RBFOX1: variants seen among roughly 807,000 people sequenced by gnomAD.
RBFOX1 encodes RNA binding protein fox-1 homolog 1.
Under a neutral mutation model 57.7 loss-of-function variants are expected in RBFOX1, and 8 were observed. The observed-to-expected ratio is 0.14, with a 90% confidence interval of 0.08 to 0.25. The LOEUF is 0.25. Among genes scored for constraint, RBFOX1 ranks in the 10% least tolerant of loss-of-function variants. The pLI is 1.00. For missense variants in RBFOX1, 611 were observed against 548.5 expected (o/e 1.11, Z -1.14); for synonymous variants, 326 against 222.4 (o/e 1.47, Z -4.15).
intron 3 of RBFOX1, among the ~76,000 whole-genome samples, chr16:6,989,805 G>A (rs1030318292): frequency 6.6e-6 from 1 of 152,058 alleles, no homozygotes; most frequent in Non-Finnish European, 1.5e-5. Context: ...TTCGAAACTA[G>A]CCTGGCTAAC....
Position 6,407,596 on chromosome 16 carries a change from G to C in RBFOX1, c.-64+90539G>C, listed in dbSNP as rs2534739. Among the ~76,000 whole-genome samples the C allele has an allele frequency of 8.8e-3, 1,286 of 145,740 alleles. 24 individuals carry two copies. The highest frequency in any genetic ancestry group is 0.019 in the African/African-American group (705 of 38,048). On this transcript the variant is annotated intron_variant, in intron 2 of 15. Transcript: ENST00000550418. ...GAGAGAGAGAGAGAGAGAGAGAGAA[G>C]TACATTCTATCCTAGGAAATGGGAA...
At chr16:6,904,585 A>G (rs1173618335) in intron 3 of RBFOX1, among the ~76,000 whole-genome samples, 1 of 126,048 alleles carries the variant, frequency 7.9e-6, no homozygotes, top group East Asian at 2.7e-4. Context: ...TGGGTGACAG[A>G]GTGAGACTCT....
chr16:5,545,819 G>T (rs1026130452), intron 2 of RBFOX1, among the ~76,000 whole-genome samples: 36 of 152,060 alleles, frequency 2.4e-4, no homozygotes, highest in African/African-American at 8.7e-4. Flanking sequence ...ACACTGTAGT[G>T]GAATAAGTCA....
At chr16:6,860,607 G>T (rs2058821701) in intron 3 of RBFOX1, among the ~76,000 whole-genome samples, 1 of 152,114 alleles carries the variant, frequency 6.6e-6, no homozygotes, top group South Asian at 2.1e-4. Context: ...TGGCATCCAA[G>T]CAAAACATTA....
chr16:6,754,034 A>G (rs1211229150), intron 3 of RBFOX1, among the ~76,000 whole-genome samples: 1 of 152,122 alleles, frequency 6.6e-6, no homozygotes. Context: ...TGAGTAGTTT[A>G]TCCAATATAC....
intron 3 of RBFOX1, among the ~76,000 whole-genome samples, chr16:6,747,891 C>T (rs921073326): frequency 9.2e-5 from 14 of 152,136 alleles, no homozygotes; most frequent in African/African-American, 3.4e-4. Context: ...ATGGCTTCAC[C>T]ATTGTAAAAC....
chr16:5,874,338 G>T (rs186833313), intron 4 of RBFOX1, among the ~76,000 whole-genome samples: 13 of 152,298 alleles, frequency 8.5e-5, no homozygotes, highest in Non-Finnish European at 1.8e-4. Context: ...AGAGGCTTGG[G>T]TATATTGTAG....
At chr16:7,317,988 G>C (rs1032069681) in intron 4 of RBFOX1, among the ~76,000 whole-genome samples, 1 of 152,048 alleles carries the variant, frequency 6.6e-6, no homozygotes, top group Non-Finnish European at 1.5e-5. Context: ...TGGTGATAGT[G>C]GTGGTGACTG....
intron 4 of RBFOX1, among the ~76,000 whole-genome samples, chr16:7,230,054 A>G (rs7500075): frequency 0.74 from 59,472 of 80,782 alleles, 21,744 homozygotes; most frequent in African/African-American, 0.91. Context: ...GAGGAAGGAA[A>G]GGAGAGAGAG....
chr16:5,592,540 C>T (rs2047043947), intron 2 of RBFOX1, among the ~76,000 whole-genome samples: 1 of 152,058 alleles, frequency 6.6e-6, no homozygotes, highest in Non-Finnish European at 1.5e-5. Flanking sequence ...CCTCAGCCTC[C>T]CCGGTAGCTG....
At chr16:7,268,547 A>C (rs11077167) in intron 4 of RBFOX1, among the ~76,000 whole-genome samples, 99,058 of 152,108 alleles carry the variant, frequency 0.65, 34,803 homozygotes, top group African/African-American at 0.92. Context: ...TTGCCAATTG[A>C]CTTGCTCTTT....
chr16:7,309,702 C>A (rs546397327), intron 4 of RBFOX1, among the ~76,000 whole-genome samples: 1 of 152,040 alleles, frequency 6.6e-6, no homozygotes. Flanking sequence ...TCATATTGGC[C>A]GGGTGAAAAC....
chr16:6,330,633 C>T (rs561744975), intron 2 of RBFOX1, among the ~76,000 whole-genome samples: 56 of 152,256 alleles, frequency 3.7e-4, no homozygotes, highest in Non-Finnish European at 6.3e-4. Context: ...GTGCTAGCCG[C>T]GAGAGACACA....
At chr16:7,092,060 C>A (rs2060951731) in intron 4 of RBFOX1, among the ~76,000 whole-genome samples, 1 of 152,148 alleles carries the variant, frequency 6.6e-6, no homozygotes. Context: ...TCTTCTAGCA[C>A]CTAAGATATA....
At chr16:7,037,695 G>A (rs942331849) in intron 3 of RBFOX1, among the ~76,000 whole-genome samples, 1 of 152,166 alleles carries the variant, frequency 6.6e-6, no homozygotes, top group Middle Eastern at 3.2e-3. Context: ...ATGACCCTGT[G>A]GGGCACATGG....
intron 3 of RBFOX1, among the ~76,000 whole-genome samples, chr16:5,863,660 C>G (rs929655611): frequency 2.0e-5 from 3 of 152,160 alleles, no homozygotes; most frequent in African/African-American, 7.2e-5. Flanking sequence ...GTTCTAGATA[C>G]CTAGAGGGGC....
intron 2 of RBFOX1, among the ~76,000 whole-genome samples, chr16:5,547,725 C>G (rs2045272395): frequency 6.6e-6 from 1 of 152,114 alleles, no homozygotes; most frequent in Non-Finnish European, 1.5e-5. Flanking sequence ...TATCAAAGCA[C>G]AAAAATCATG....
At chr16:5,763,398 C>A (rs1213270723) in intron 3 of RBFOX1, among the ~76,000 whole-genome samples, 1 of 152,202 alleles carries the variant, frequency 6.6e-6, no homozygotes, top group East Asian at 1.9e-4. Flanking sequence ...AAACGTGTGT[C>A]CTCGGGCTGG....
At chr16:6,890,096 G>C (rs2065058020) in intron 3 of RBFOX1, among the ~76,000 whole-genome samples, 1 of 152,102 alleles carries the variant, frequency 6.6e-6, no homozygotes, top group South Asian at 2.1e-4. Flanking sequence ...TTAGCACAAA[G>C]AGTACAATAA....
Sources: allele counts gnomAD v4.1 joint callset (sites outside exome capture counted in the v4.1 genomes callset), GRCh38; gene constraint gnomAD v4.1.1; transcripts MANE v1.5; gene names NCBI Gene and HGNC (gene_info 2026-07-23, HGNC 2026-07-21).